Variants in CNTNAP2 observed in about 807,000 individuals in gnomAD.
CNTNAP2 encodes contactin-associated protein-like 2.
In CNTNAP2, 98 loss-of-function variants were observed where a neutral mutation model predicts 155.2. The ratio of observed to expected loss-of-function variants is 0.63; its 90% CI spans 0.54 to 0.75. The LOEUF (loss-of-function observed/expected upper bound fraction) is 0.75. Ranked by LOEUF, CNTNAP2 falls within the 30% of genes least tolerant of loss-of-function variation. CNTNAP2 has a pLI of 0.00. For synonymous variants in CNTNAP2, 651 were observed against 631.2 expected, an observed-to-expected ratio of 1.03 and a Z score of -0.47; for missense variants, 1,727 against 1,688.1, an observed-to-expected ratio of 1.02 and a Z score of -0.40.
At chr7:148,087,138 T>C (rs1803749284) in intron 15 of CNTNAP2, among the ~76,000 whole-genome samples, 1 of 152,158 alleles carries the variant, frequency 6.6e-6, no homozygotes, top group African/African-American at 2.4e-5. Context: ...AGATCACCAT[T>C]GATTTCTTTC....
At chr7:147,619,470 G>A (rs542294117) in intron 12 of CNTNAP2, among the ~76,000 whole-genome samples, 70 of 152,248 alleles carry the variant, frequency 4.6e-4, no homozygotes, top group South Asian at 4.1e-4. Flanking sequence ...GGTGAGTCCC[G>A]GACCAGGCAG....
In CNTNAP2 at chr7:147,712,973, C is replaced by T. The variant is rs79460365; in HGVS notation, c.2098+73667C>T. Reference sequence around the variant, plus strand: ...ATTTGATGGTAAAGCCCAATCTTTCCTCTGCCCACATTAGTCAGTGATTTC... The same window carrying T: ...ATTTGATGGTAAAGCCCAATCTTTCTTCTGCCCACATTAGTCAGTGATTTC... On this transcript the variant is annotated intron_variant, in intron 13 of 23. Coordinates refer to ENST00000361727, the MANE Select transcript of CNTNAP2 (RefSeq NM_014141.6). 3.0e-3 allele frequency among the ~76,000 whole-genome samples: 450 copies of T among 152,268 alleles called. 6 individuals carry two copies. The highest frequency in any genetic ancestry group is 0.02 in the Admixed American group (310 of 15,280).
intron 3 of CNTNAP2, among the ~76,000 whole-genome samples, chr7:146,931,505 C>G (rs1197890624): frequency 6.7e-6 from 1 of 149,976 alleles, no homozygotes; most frequent in Non-Finnish European, 1.5e-5. Flanking sequence ...AAACTGACAC[C>G]CTAACATCAC....
chr7:146,618,241 T>C (rs1261796598), intron 1 of CNTNAP2, among the ~76,000 whole-genome samples: 4 of 152,256 alleles, frequency 2.6e-5, no homozygotes, highest in Middle Eastern at 3.4e-3. Flanking sequence ...AAAAGGATGA[T>C]ATTGTGTGGA....
chr7:146,772,618 G>T (rs1197613069), intron 1 of CNTNAP2, among the ~76,000 whole-genome samples: 1 of 151,984 alleles, frequency 6.6e-6, no homozygotes, highest in Non-Finnish European at 1.5e-5. Flanking sequence ...GCAGTGAGCC[G>T]AGCTGGCGCC....
intron 1 of CNTNAP2, among the ~76,000 whole-genome samples, chr7:146,580,638 T>C (rs1420911848): frequency 1.3e-5 from 2 of 152,126 alleles, no homozygotes; most frequent in Non-Finnish European, 2.9e-5. Flanking sequence ...TAAGTGTATG[T>C]TTCGTCTTAA....
Position 146,716,406 on chromosome 7 carries a change from A to T in CNTNAP2, c.98-57865A>T, listed in dbSNP as rs187302344. On this transcript the variant is annotated intron_variant, in intron 1 of 23. Coordinates refer to ENST00000361727, the MANE Select transcript of CNTNAP2 (RefSeq NM_014141.6). ...TCAAAACAAAACAACTTGAGACCCT[A>T]AAACAGTATTTGGCCTTTGGAGGTT... Among the ~76,000 whole-genome samples, 191 of 152,200 alleles carry T rather than the reference A, an allele frequency of 1.3e-3. 1 individual carries two copies. The highest frequency in any genetic ancestry group is 2.0e-3 in the Non-Finnish European group (134 of 68,012).
At chr7:146,275,531 A>G (rs1383243028) in intron 1 of CNTNAP2, among the ~76,000 whole-genome samples, 1 of 152,192 alleles carries the variant, frequency 6.6e-6, no homozygotes, top group Non-Finnish European at 1.5e-5. Flanking sequence ...ATTTCTGTAA[A>G]TGATTATTTC....
intron 8 of CNTNAP2, among the ~76,000 whole-genome samples, chr7:147,171,150 G>A (rs1802218490): frequency 6.6e-6 from 1 of 152,094 alleles, no homozygotes; most frequent in African/African-American, 2.4e-5. Context: ...CATGAGCGTG[G>A]GCTGTCCCCC....
chr7:146,467,032 G>T (rs943459964), intron 1 of CNTNAP2, among the ~76,000 whole-genome samples: 5 of 151,980 alleles, frequency 3.3e-5, no homozygotes, highest in African/African-American at 1.2e-4. Flanking sequence ...AGTACAAAGT[G>T]GTATCATTGG....
At chr7:147,444,678 C>T (rs11981922) in intron 10 of CNTNAP2, among the ~76,000 whole-genome samples, 30,175 of 151,944 alleles carry the variant, frequency 0.2, 3,172 homozygotes, top group East Asian at 0.36. Context: ...TTCCAAAAAA[C>T]TCCATGCCAA....
chr7:146,225,119 G>A (rs1211895384), intron 1 of CNTNAP2, among the ~76,000 whole-genome samples: 2 of 152,108 alleles, frequency 1.3e-5, no homozygotes, highest in Non-Finnish European at 2.9e-5. Flanking sequence ...AGTGACTTTA[G>A]ATAGCTAGCA....
intron 1 of CNTNAP2, among the ~76,000 whole-genome samples, chr7:146,217,928 A>G (rs183904777): frequency 7.5e-4 from 115 of 152,322 alleles, no homozygotes; most frequent in African/African-American, 2.6e-3. Context: ...TGATGACATA[A>G]TCTGTAAATA....
At position 147,407,324 on chromosome 7, in the gene CNTNAP2, C is replaced by G. The variant is rs561686265; in HGVS notation, c.1670+11544C>G. ...TCTCCTAAAAATACAAAAAATTAGC[C>G]GGGCGTGGTGGCGGGCGCCTGTAGT... On this transcript the variant is annotated intron_variant, in intron 10 of 23. Transcript: ENST00000361727. Among the ~76,000 whole-genome samples, 14 of 151,352 alleles carry G rather than the reference C, an allele frequency of 9.2e-5. No homozygotes were observed. The East Asian group carries it at 2.7e-3, about 30-fold the overall frequency.
chr7:147,580,569 C>G (rs201057472), intron 12 of CNTNAP2, among the ~76,000 whole-genome samples: 2 of 139,926 alleles, frequency 1.4e-5, no homozygotes, highest in South Asian at 4.5e-4. Context: ...GTATTGCTGT[C>G]TATTTCCATC....
At chr7:147,144,614 G>A (rs568762441) in intron 8 of CNTNAP2, among the ~76,000 whole-genome samples, 2 of 152,136 alleles carry the variant, frequency 1.3e-5, no homozygotes, top group South Asian at 4.1e-4. Flanking sequence ...CATAGCAAAT[G>A]GTTTGTTCAT....
At chr7:146,576,354 A>T (rs748921870) in intron 1 of CNTNAP2, among the ~76,000 whole-genome samples, 4 of 152,104 alleles carry the variant, frequency 2.6e-5, no homozygotes, top group Non-Finnish European at 5.9e-5. Context: ...CTTTTAGGGG[A>T]TATGTGTTTT....
intron 21 of CNTNAP2, among the ~76,000 whole-genome samples, chr7:148,280,764 C>CA (rs1796962284): frequency 6.6e-6 from 1 of 151,762 alleles, no homozygotes; most frequent in South Asian, 2.1e-4. Context: ...ACTAAAAATA[C>CA]AAAAATTAGC....
intron 10 of CNTNAP2, among the ~76,000 whole-genome samples, chr7:147,440,327 ACAAG>A (rs748375064): frequency 7.9e-5 from 12 of 152,112 alleles, no homozygotes; most frequent in Non-Finnish European, 1.0e-4. Context: ...ATTTGCATAA[ACAAG>A]CAAGCAAAAG....
Sources: gnomAD v4.1 joint callset for allele counts (sites outside exome capture counted in the v4.1 genomes callset) on GRCh38, gnomAD v4.1.1 for gene constraint, MANE v1.5 for transcripts, NCBI Gene and HGNC (gene_info 2026-07-23, HGNC 2026-07-21) for gene names.